CCDC171: variants seen among roughly 807,000 people sequenced by gnomAD.
The protein encoded by CCDC171 is coiled-coil domain containing 171, also known as coiled-coil domain-containing protein 171.
Under a neutral mutation model 168.2 loss-of-function variants are expected in CCDC171, and 177 were observed. That is an observed-to-expected ratio of 1.05 (90% CI 0.93 to 1.19). CCDC171 has a LOEUF of 1.19. Ranked by LOEUF, CCDC171 falls within the 50% of genes most tolerant of loss-of-function variation. CCDC171 has a pLI of 0.00. For missense variants in CCDC171, 1,991 were observed against 1,539.0 expected (o/e 1.29, Z -4.91); for synonymous variants, 687 against 540.8 (o/e 1.27, Z -3.75).
chr9:15,649,790 C>T (rs944355956), intron 7 of CCDC171, among the ~76,000 whole-genome samples: 5 of 152,146 alleles, frequency 3.3e-5, no homozygotes, highest in African/African-American at 7.2e-5. Context: ...AGCATTTTTA[C>T]ACTGTTGGAA....
intron 1 of CCDC171, among the ~76,000 whole-genome samples, chr9:15,560,840 C>G (rs908694733): frequency 8.2e-6 from 1 of 121,656 alleles, no homozygotes; most frequent in African/African-American, 2.7e-5. Context: ...AGCTTTTCTG[C>G]TCTGGTTTCT....
At chr9:16,059,568 G>T (rs1486900246) in intron 1 of CCDC171, among the ~76,000 whole-genome samples, 1 of 130,294 alleles carries the variant, frequency 7.7e-6, no homozygotes, top group Non-Finnish European at 1.5e-5. Context: ...ACTGCGGACT[G>T]CAGTGGCGCA....
intron 3 of CCDC171, among the ~76,000 whole-genome samples, chr9:16,019,499 A>G (rs1377066808): frequency 1.3e-5 from 2 of 152,130 alleles, no homozygotes; most frequent in African/African-American, 4.8e-5. Flanking sequence ...TTGTTTTCCC[A>G]TAGGCAAGGG....
intron 8 of CCDC171, among the ~76,000 whole-genome samples, chr9:15,665,888 A>C (rs554295112): frequency 6.6e-6 from 1 of 152,220 alleles, no homozygotes; most frequent in Non-Finnish European, 1.5e-5. Flanking sequence ...TTGTATCTAC[A>C]TATCTATTTT....
At chr9:15,668,329 A>T (rs2048876369) in intron 9 of CCDC171, among the ~76,000 whole-genome samples, 1 of 152,130 alleles carries the variant, frequency 6.6e-6, no homozygotes, top group African/African-American at 2.4e-5. Flanking sequence ...ATACTTTCCT[A>T]ATTGGACCCC....
rs896794396 is a variant in CCDC171, at chr9:15,695,674, C to A, written c.1318+337C>A. Among the ~76,000 whole-genome samples, 10 of 152,106 alleles carry A rather than the reference C, an allele frequency of 6.6e-5. No homozygotes were observed. The South Asian group carries it at 8.3e-4, about 13-fold the overall frequency. On this transcript the variant is annotated intron_variant, in intron 11 of 25. Coordinates refer to ENST00000380701, the MANE Select transcript of CCDC171 (RefSeq NM_173550.4). ...GAACAGATGTTTCGATCAAACTGAGCCAAATTCTGAGGCAACCTTCAGCAA... is the reference window on the plus strand; with the variant it reads ...GAACAGATGTTTCGATCAAACTGAGACAAATTCTGAGGCAACCTTCAGCAA...
At chr9:15,798,479 G>C (rs979638033) in intron 21 of CCDC171, among the ~76,000 whole-genome samples, 4 of 151,970 alleles carry the variant, frequency 2.6e-5, no homozygotes, top group African/African-American at 4.8e-5. Context: ...TGCAGAACAT[G>C]CAGGTTTGTT....
intron 18 of CCDC171, among the ~76,000 whole-genome samples, chr9:15,756,496 A>G (rs1436821328): frequency 2.0e-5 from 3 of 152,150 alleles, no homozygotes; most frequent in South Asian, 4.1e-4. Context: ...GGTAGTGAGC[A>G]TAGTACCCAG....
chr9:15,917,646 A>G (rs1824705592), intron 24 of CCDC171, among the ~76,000 whole-genome samples: 1 of 151,786 alleles, frequency 6.6e-6, no homozygotes, highest in African/African-American at 2.4e-5. Flanking sequence ...AATATCATTT[A>G]TATTATTTAT....
chr9:15,700,708 A>G (rs2133871000), intron 11 of CCDC171, among the ~76,000 whole-genome samples: 1 of 151,646 alleles, frequency 6.6e-6, no homozygotes, highest in East Asian at 1.9e-4. Flanking sequence ...CTAGTCTTAA[A>G]CTCTTGGTCT....
intron 21 of CCDC171, among the ~76,000 whole-genome samples, chr9:15,806,720 G>C (rs2059097462): frequency 6.6e-6 from 1 of 151,940 alleles, no homozygotes; most frequent in Non-Finnish European, 1.5e-5. Context: ...CTCTTGTGTA[G>C]AATCTTGCAG....
chr9:15,903,448 C>T (rs553172443), intron 24 of CCDC171, among the ~76,000 whole-genome samples: 1 of 152,176 alleles, frequency 6.6e-6, no homozygotes, highest in African/African-American at 2.4e-5. Flanking sequence ...CCAGCAAACT[C>T]CAACAGACCT....
chr9:15,596,324 A>G (rs2042353014), intron 6 of CCDC171, among the ~76,000 whole-genome samples: 1 of 151,824 alleles, frequency 6.6e-6, no homozygotes, highest in Non-Finnish European at 1.5e-5. Flanking sequence ...TTTTTGTATA[A>G]GGTGTAAGGA....
In CCDC171 at chr9:15,744,616, T is replaced by C; in HGVS notation, c.2393T>C (p.Ile798Thr). Residue 798 changes from isoleucine to threonine, a missense_variant, in exon 17 of 26, where the codon ATA becomes ACA. Ile to Thr is a moderately conservative substitution (Grantham distance 89). Coordinates refer to ENST00000380701, the MANE Select transcript of CCDC171 (RefSeq NM_173550.4). ...KMKKKTFKGL[I>T]RIFRKGVIAV... ...AAAAAGAAAACATTCAAAGGATTGA[T>C]ACGTATATTTCGGAAAGGTGTTATT... 1 of 1,614,164 alleles carries C rather than the reference T, an allele frequency of 6.2e-7. No individual in the cohort carries two copies. The highest frequency in any genetic ancestry group is 8.5e-7 in the Non-Finnish European group (1 of 1,180,016).
intron 24 of CCDC171, among the ~76,000 whole-genome samples, chr9:15,900,489 C>A (rs1821480517): frequency 6.8e-6 from 1 of 147,510 alleles, no homozygotes; most frequent in African/African-American, 2.5e-5. Flanking sequence ...CCAGATGATA[C>A]CTTGATTTCA....
chr9:16,095,823 C>G, the CCDC171 span, among the ~76,000 whole-genome samples: 2 of 148,680 alleles, frequency 1.3e-5, no homozygotes, highest in Admixed American at 6.7e-5. Context: ...TGAGTATACA[C>G]ACACACCCAC....
In CCDC171 at chr9:15,631,560, G is replaced by T. The variant is rs1409508897; in HGVS notation, c.822+8147G>T. On this transcript the variant is annotated intron_variant, in intron 7 of 25. Transcript: ENST00000380701. ...TTACCAACCAAAAAGTCCAGGATCA[G>T]TTGGATTCACAGCCGAATTCTATCA... is the stretch of plus-strand genomic sequence containing the variant. Among the ~76,000 whole-genome samples, 4 of 152,188 alleles carry T rather than the reference G, an allele frequency of 2.6e-5. No homozygotes were observed. In the East Asian group the frequency reaches 5.8e-4, roughly 22 times the overall value.
At chr9:15,667,615 C>G (rs1376575721) in intron 9 of CCDC171, among the ~76,000 whole-genome samples, 1 of 152,046 alleles carries the variant, frequency 6.6e-6, no homozygotes, top group Non-Finnish European at 1.5e-5. Flanking sequence ...CATTGCACTC[C>G]AGCCTGGGCA....
chr9:15,944,836 T>TCTTTCTTTCTTTCTTTCTTTC (rs57665767), intron 25 of CCDC171, among the ~76,000 whole-genome samples: 148 of 129,958 alleles, frequency 1.1e-3, no homozygotes, highest in East Asian at 2.4e-3. Flanking sequence ...TTTCTTTCTT[T>TCTTTCTTTCTTTCTTTCTTTC]TTTCTTTCTT....
Sources: gnomAD v4.1 joint callset for allele counts (sites outside exome capture counted in the v4.1 genomes callset) on GRCh38, gnomAD v4.1.1 for gene constraint, MANE v1.5 for transcripts, NCBI Gene and HGNC (gene_info 2026-07-23, HGNC 2026-07-21) for gene names.